The following GABRB1 variants were observed in gnomAD, a reference collection of about 807,000 sequenced individuals.
The protein encoded by GABRB1 is gamma-aminobutyric acid receptor subunit beta-1.
Under a neutral mutation model 51.6 loss-of-function variants are expected in GABRB1, and 17 were observed. The observed-to-expected ratio is 0.33, with a 90% confidence interval of 0.23 to 0.49. GABRB1 has a LOEUF of 0.49. GABRB1 is among the 20% of genes least tolerant of loss of function. The pLI, the probability that GABRB1 is intolerant of heterozygous loss-of-function variation, is 0.99. For synonymous variants in GABRB1, 247 were observed against 218.9 expected (o/e 1.13, Z -1.14); for missense variants, 410 against 600.6 (o/e 0.68, Z 3.32).
chr4:47,111,844 G>A (rs763860926), intron 3 of GABRB1, among the ~76,000 whole-genome samples: 53 of 152,078 alleles, frequency 3.5e-4, no homozygotes, highest in Non-Finnish European at 6.2e-4. Context: ...CAACCTGGGC[G>A]AGAGTGAGAC....
chr4:47,334,288 C>T (rs1408947520), intron 5 of GABRB1, among the ~76,000 whole-genome samples: 4 of 152,120 alleles, frequency 2.6e-5, no homozygotes, highest in African/African-American at 4.8e-5. Context: ...GCCTGTCTCA[C>T]CTGTCCTCCT....
intron 4 of GABRB1, among the ~76,000 whole-genome samples, chr4:47,272,101 C>G (rs1424159487): frequency 6.6e-6 from 1 of 152,138 alleles, no homozygotes; most frequent in Admixed American, 6.6e-5. Flanking sequence ...AAAGTTAGTT[C>G]TATAGGATTT....
chr4:47,352,888 G>A (rs1443847836), intron 5 of GABRB1, among the ~76,000 whole-genome samples: 1 of 152,126 alleles, frequency 6.6e-6, no homozygotes, highest in Non-Finnish European at 1.5e-5. Flanking sequence ...TCTTTCCAGT[G>A]TTTTTTAGTT....
intron 3 of GABRB1, among the ~76,000 whole-genome samples, chr4:47,064,641 C>CAAAAAAAAAAAAAAAAA (rs33963952): frequency 6.9e-5 from 4 of 58,216 alleles, no homozygotes; most frequent in Non-Finnish European, 9.4e-5. Context: ...GACTCCATCT[C>CAAAAAAAAAAAAAAAAA]AAAAAAAAAA....
intron 3 of GABRB1, among the ~76,000 whole-genome samples, chr4:47,113,773 T>C (rs1226712385): frequency 6.6e-6 from 1 of 152,242 alleles, no homozygotes; most frequent in African/African-American, 2.4e-5. Context: ...ATGTTTTTTG[T>C]TGGTTTCACC....
chr4:47,181,428 G>T (rs1307187951), intron 4 of GABRB1, among the ~76,000 whole-genome samples: 1 of 151,804 alleles, frequency 6.6e-6, no homozygotes, highest in Non-Finnish European at 1.5e-5. Flanking sequence ...TAATCTGTTT[G>T]GAAATGTTAA....
rs33963952 is a variant in GABRB1 at position 47,064,641 on chromosome 4, C to CAAAA, written c.240+32176_240+32179dup. Among the ~76,000 whole-genome samples the CAAAA allele has an allele frequency of 1.0e-2, 580 of 58,112 alleles. 6 individuals are homozygous for CAAAA. Among genetic ancestry groups the CAAAA allele is most frequent in the East Asian group, 0.048 (79 of 1,656 alleles). The allele number at this position is 58,112 out of a possible 152,430, so 38.1% of individuals were successfully genotyped here. ...AAATAAGAGCGAGGAGACTCCATCT[C>CAAAA]AAAAAAAAAAAAAAAAAAAAAAGAG... On this transcript the variant is annotated intron_variant, in intron 3 of 8. Coordinates refer to ENST00000295454, the MANE Select transcript of GABRB1 (RefSeq NM_000812.4).
At chr4:47,166,163 A>C (rs1718176565) in intron 4 of GABRB1, among the ~76,000 whole-genome samples, 1 of 152,134 alleles carries the variant, frequency 6.6e-6, no homozygotes, top group African/African-American at 2.4e-5. Flanking sequence ...TTTCAAGCTT[A>C]AGTATGTTTT....
intron 3 of GABRB1, among the ~76,000 whole-genome samples, chr4:47,151,366 A>G (rs1717442513): frequency 6.6e-6 from 1 of 152,036 alleles, no homozygotes; most frequent in Non-Finnish European, 1.5e-5. Context: ...CAAAATCACA[A>G]ATCATAAGAC....
At chr4:47,220,885 T>G (rs1387158361) in intron 4 of GABRB1, among the ~76,000 whole-genome samples, 1 of 152,044 alleles carries the variant, frequency 6.6e-6, no homozygotes, top group African/African-American at 2.4e-5. Flanking sequence ...CAAAGAGAAC[T>G]TTTGATCAAA....
intron 4 of GABRB1, among the ~76,000 whole-genome samples, chr4:47,223,692 G>C (rs945633691): frequency 4.6e-5 from 7 of 152,034 alleles, no homozygotes; most frequent in Admixed American, 6.6e-5. Flanking sequence ...ATATTCCCAT[G>C]GTCTGAGATG....
chr4:47,019,123 T>C (rs1010190619), intron 1 of GABRB1, among the ~76,000 whole-genome samples: 1 of 152,152 alleles, frequency 6.6e-6, no homozygotes, highest in African/African-American at 2.4e-5. Context: ...AGCAACCGCA[T>C]TGAAAAATAT....
intron 1 of GABRB1, among the ~76,000 whole-genome samples, chr4:47,019,463 C>T (rs1026763773): frequency 6.8e-6 from 1 of 146,300 alleles, no homozygotes; most frequent in Non-Finnish European, 1.5e-5. Flanking sequence ...TAACAAAATA[C>T]TAATTGTGGC....
chr4:47,093,849 A>G (rs1344215990), intron 3 of GABRB1, among the ~76,000 whole-genome samples: 1 of 152,208 alleles, frequency 6.6e-6, no homozygotes, highest in African/African-American at 2.4e-5. Flanking sequence ...TTATCCGAAA[A>G]TTCCCTATTG....
At chr4:47,210,936 T>C (rs1345759948) in intron 4 of GABRB1, among the ~76,000 whole-genome samples, 2 of 152,136 alleles carry the variant, frequency 1.3e-5, no homozygotes, top group African/African-American at 4.8e-5. Context: ...TAGAAATTAG[T>C]AACAGAGAAG....
chr4:47,104,726 A>G (rs1714880511), intron 3 of GABRB1, among the ~76,000 whole-genome samples: 1 of 152,028 alleles, frequency 6.6e-6, no homozygotes, highest in African/African-American at 2.4e-5. Context: ...ATTGTTTCAG[A>G]AAAGACATTC....
At position 47,330,826 on chromosome 4, in the gene GABRB1, A is replaced by G. The variant is rs111555309; in HGVS notation, c.544+10617A>G. On this transcript the variant is annotated intron_variant, in intron 5 of 8. Coordinates refer to ENST00000295454, the MANE Select transcript of GABRB1 (RefSeq NM_000812.4). ...AGGAAATTAGAATATAGAAAAAAATATGAATATATAAACATGTAAATACTC... is the reference window on the plus strand; with the variant it reads ...AGGAAATTAGAATATAGAAAAAAATGTGAATATATAAACATGTAAATACTC... Among the ~76,000 whole-genome samples, 1,136 of 152,308 alleles carry G rather than the reference A, an allele frequency of 7.5e-3. 17 individuals carry two copies. The highest frequency in any genetic ancestry group is 0.026 in the African/African-American group (1,071 of 41,568).
At chr4:47,316,992 A>C (rs1304910390) in intron 4 of GABRB1, among the ~76,000 whole-genome samples, 2 of 151,986 alleles carry the variant, frequency 1.3e-5, no homozygotes, top group East Asian at 3.8e-4. Context: ...TTATATTAAC[A>C]AAATATGGCT....
rs6842983 is a variant in GABRB1, at chr4:47,069,238, T to C, written c.240+36754T>C. ...AACCCGTGTTGTCATAAACTCTTTC[T>C]TCCCTGAGTCACTACAGATAACTGA... is the stretch of plus-strand genomic sequence containing the variant. On this transcript the variant is annotated intron_variant, in intron 3 of 8. Transcript: ENST00000295454. Among the ~76,000 whole-genome samples, 725 of 152,312 alleles carry C rather than the reference T, an allele frequency of 4.8e-3. 6 individuals carry two copies. The highest frequency in any genetic ancestry group is 0.016 in the African/African-American group (683 of 41,558).
Sources: allele counts gnomAD v4.1 joint callset (sites outside exome capture counted in the v4.1 genomes callset), GRCh38; gene constraint gnomAD v4.1.1; transcripts MANE v1.5; gene names NCBI Gene and HGNC (gene_info 2026-07-23, HGNC 2026-07-21).